DPH6: variants seen among roughly 807,000 people sequenced by gnomAD.
DPH6 encodes the protein diphthine--ammonia ligase.
A neutral mutation model predicts 38.2 loss-of-function variants in DPH6; 33 were observed. That is an observed-to-expected ratio of 0.86 (90% CI 0.65 to 1.15). DPH6 has a LOEUF of 1.15. DPH6 is among the 50% of genes most tolerant of loss of function. DPH6 has a pLI of 0.00. For synonymous variants in DPH6, 108 were observed against 103.0 expected (o/e 1.05, Z -0.30); for missense variants, 325 against 320.0 (o/e 1.02, Z -0.12).
chr15:35,334,092 T>C (rs2052348860), intron 3 of DPH6, among the ~76,000 whole-genome samples: 1 of 152,154 alleles, frequency 6.6e-6, no homozygotes, highest in South Asian at 2.1e-4. Context: ...CGGATGTCCA[T>C]TTTTAATTTT....
intron 6 of DPH6, among the ~76,000 whole-genome samples, chr15:35,389,626 G>C (rs2053024369): frequency 6.6e-6 from 1 of 152,092 alleles, no homozygotes; most frequent in African/African-American, 2.4e-5. Context: ...GATCTTTGTT[G>C]GTTTAAAGTC....
At chr15:35,223,613 G>C (rs538037170) in intron 3 of DPH6, among the ~76,000 whole-genome samples, 1 of 152,198 alleles carries the variant, frequency 6.6e-6, no homozygotes, top group Non-Finnish European at 1.5e-5. Context: ...GTGAACCTGG[G>C]AGGCGGAGCT....
At chr15:35,154,432 C>T in the DPH6 span, among the ~76,000 whole-genome samples, 127 of 152,294 alleles carry the variant, frequency 8.3e-4, 1 homozygote, top group Admixed American at 2.9e-3. Flanking sequence ...ATCTACTTCT[C>T]GTCGCTGTGA....
chr15:35,539,666 A>T (rs1027064244), intron 2 of DPH6, among the ~76,000 whole-genome samples: 7 of 152,036 alleles, frequency 4.6e-5, no homozygotes, highest in Non-Finnish European at 5.9e-5. Context: ...AAATGCTATT[A>T]AAAAAATTAC....
intron 3 of DPH6, among the ~76,000 whole-genome samples, chr15:35,505,887 T>C (rs2054687437): frequency 6.6e-6 from 1 of 152,132 alleles, no homozygotes; most frequent in Non-Finnish European, 1.5e-5. Context: ...TTTTGCCTTA[T>C]AGGTGGAACT....
At chr15:35,201,805 A>C in the DPH6 span, among the ~76,000 whole-genome samples, 1 of 151,634 alleles carries the variant, frequency 6.6e-6, no homozygotes, top group Non-Finnish European at 1.5e-5. Context: ...CTATCCTGCC[A>C]TTTTAATTAA....
intron 3 of DPH6, among the ~76,000 whole-genome samples, chr15:35,285,872 G>GTTTTTTTTTTTTTT (rs67243158): frequency 0.021 from 1,093 of 52,752 alleles, 286 homozygotes; most frequent in African/African-American, 0.054. Context: ...TTATCTTTGA[G>GTTTTTTTTTTTTTT]TTTTTTTTTT....
At chr15:35,183,618 C>A in the DPH6 span, among the ~76,000 whole-genome samples, 1 of 152,292 alleles carries the variant, frequency 6.6e-6, no homozygotes, top group East Asian at 1.9e-4. Context: ...AACTCAGTAA[C>A]TGCTCAAGTT....
the DPH6 span, among the ~76,000 whole-genome samples, chr15:35,208,152 A>G: frequency 6.6e-6 from 1 of 152,210 alleles, no homozygotes; most frequent in Non-Finnish European, 1.5e-5. Flanking sequence ...ATAATTTGAA[A>G]TTTTATATCA....
At chr15:35,440,379 T>C (rs192583022) in intron 5 of DPH6, among the ~76,000 whole-genome samples, 130 of 152,282 alleles carry the variant, frequency 8.5e-4, no homozygotes, top group African/African-American at 3.0e-3. Context: ...CCCCTTTTTG[T>C]TTCGTTTTGA....
At chr15:35,521,256 T>C in intron 3 of DPH6, 2 of 986,074 alleles carry the variant, frequency 2.0e-6, no homozygotes, top group Non-Finnish European at 1.2e-6. Context: ...CACAGGTACA[T>C]TGAATGCATG....
intron 3 of DPH6, among the ~76,000 whole-genome samples, chr15:35,362,965 T>G (rs1163106695): frequency 6.6e-6 from 1 of 152,210 alleles, no homozygotes; most frequent in Non-Finnish European, 1.5e-5. Context: ...AGCCATCTTT[T>G]TTATTACTGA....
chr15:35,490,092 T>C (rs2054456795), intron 3 of DPH6: 1 of 985,102 alleles, frequency 1.0e-6, no homozygotes, highest in Non-Finnish European at 1.2e-6. Flanking sequence ...CCTAAATCTC[T>C]TCCAGGCTCA....
downstream of DPH6, among the ~76,000 whole-genome samples, chr15:35,329,566 T>C (rs1002554738): frequency 1.3e-5 from 2 of 152,162 alleles, no homozygotes; most frequent in African/African-American, 4.8e-5. Context: ...TTCTGTATGC[T>C]ACATTCTCAC....
chr15:35,249,437 A>C (rs1462345780), intron 3 of DPH6, among the ~76,000 whole-genome samples: 1 of 152,222 alleles, frequency 6.6e-6, no homozygotes, highest in East Asian at 1.9e-4. Context: ...TAAAAATAAA[A>C]AGAAATATTA....
chr15:35,271,394 C>A (rs894704835), intron 3 of DPH6, among the ~76,000 whole-genome samples: 1 of 151,892 alleles, frequency 6.6e-6, no homozygotes, highest in African/African-American at 2.4e-5. Context: ...TTCCTCAGGG[C>A]AAGAAGAAGA....
intron 3 of DPH6, among the ~76,000 whole-genome samples, chr15:35,310,051 A>C: frequency 6.6e-6 from 1 of 152,188 alleles, no homozygotes; most frequent in East Asian, 1.9e-4. Flanking sequence ...ACTCAAACTT[A>C]GGTGAACATT....
intron 3 of DPH6, among the ~76,000 whole-genome samples, chr15:35,243,280 G>A (rs1248355931): frequency 1.4e-5 from 2 of 141,204 alleles, no homozygotes; most frequent in African/African-American, 5.2e-5. Flanking sequence ...CCCTAATACC[G>A]CTTGAAGCAG....
At chr15:35,322,920 C>T (rs2052252511) in intron 3 of DPH6, among the ~76,000 whole-genome samples, 1 of 151,930 alleles carries the variant, frequency 6.6e-6, no homozygotes, top group South Asian at 2.1e-4. Context: ...TCATGTTTAT[C>T]TCAGGTTATA....
Sources: gnomAD v4.1 joint callset for allele counts (sites outside exome capture counted in the v4.1 genomes callset) on GRCh38, gnomAD v4.1.1 for gene constraint, MANE v1.5 for transcripts, NCBI Gene and HGNC (gene_info 2026-07-23, HGNC 2026-07-21) for gene names.